RAPGEF6: variants seen among roughly 807,000 people sequenced by gnomAD.
RAPGEF6 encodes the protein Rap guanine nucleotide exchange factor 6.
In RAPGEF6, 56 loss-of-function variants were observed where a neutral mutation model predicts 171.4. The ratio of observed to expected loss-of-function variants is 0.33; its 90% CI spans 0.26 to 0.41. The LOEUF (loss-of-function observed/expected upper bound fraction) is 0.41. Ranked by LOEUF, RAPGEF6 falls within the 10% of genes least tolerant of loss-of-function variation. RAPGEF6 has a pLI of 1.00. For missense variants in RAPGEF6, 1,674 were observed against 1,921.4 expected (o/e 0.87, Z 2.41); for synonymous variants, 692 against 650.1 (o/e 1.06, Z -0.98).
At chr5:131,443,279 C>T (rs919016366) in intron 22 of RAPGEF6, among the ~76,000 whole-genome samples, 9 of 151,396 alleles carry the variant, frequency 5.9e-5, no homozygotes, top group South Asian at 2.1e-4. Context: ...AGTTTCACCA[C>T]GTTGCCCAGG....
At chr5:131,618,609 G>T (rs938145596) in intron 1 of RAPGEF6, among the ~76,000 whole-genome samples, 14 of 152,168 alleles carry the variant, frequency 9.2e-5, no homozygotes, top group Non-Finnish European at 1.5e-4. Flanking sequence ...CTGCACTGCA[G>T]CCTGAGTGAC....
intron 4 of RAPGEF6, among the ~76,000 whole-genome samples, chr5:131,565,492 A>C (rs1344674373): frequency 6.6e-6 from 1 of 152,222 alleles, no homozygotes; most frequent in African/African-American, 2.4e-5. Flanking sequence ...GAGGACTGAC[A>C]TAATGACCCT....
intron 19 of RAPGEF6, among the ~76,000 whole-genome samples, chr5:131,456,369 AT>A (rs1462620968): frequency 6.6e-6 from 1 of 152,186 alleles, no homozygotes; most frequent in Non-Finnish European, 1.5e-5. Flanking sequence ...GACATTACCT[AT>A]TTTAAAGCGG....
At chr5:131,631,638 A>T (rs1561623829) in intron 1 of RAPGEF6, among the ~76,000 whole-genome samples, 1 of 152,162 alleles carries the variant, frequency 6.6e-6, no homozygotes, top group Admixed American at 6.5e-5. Context: ...TTCTCAACAC[A>T]GCAGCCAGGA....
intron 6 of RAPGEF6, among the ~76,000 whole-genome samples, chr5:131,534,973 C>T (rs1348402894): frequency 2.0e-5 from 3 of 152,084 alleles, no homozygotes; most frequent in Non-Finnish European, 2.9e-5. Context: ...AGAAGGACCT[C>T]AAGCTGGGCA....
At chr5:131,571,766 A>T (rs1194902073) in intron 4 of RAPGEF6, among the ~76,000 whole-genome samples, 4 of 152,178 alleles carry the variant, frequency 2.6e-5, no homozygotes, top group Non-Finnish European at 2.9e-5. Flanking sequence ...CAAATAACCA[A>T]AACAATTTTT....
chr5:131,484,789 C>G (rs1430297756), intron 15 of RAPGEF6, among the ~76,000 whole-genome samples: 4 of 152,046 alleles, frequency 2.6e-5, no homozygotes, highest in Non-Finnish European at 5.9e-5. Flanking sequence ...ACAAGTAGGT[C>G]TGTATGAACT....
chr5:131,510,596 G>C, intron 7 of RAPGEF6, 105 bp from the exon 8 acceptor site: 1 of 988,566 alleles, frequency 1.0e-6, no homozygotes, highest in Non-Finnish European at 1.5e-6. Context: ...TAAAAGACTT[G>C]GGCAACGCTG....
Position 131,562,029 on chromosome 5 carries a change from T to C in RAPGEF6, c.300A>G (p.Gly100=). Reference sequence around the variant, plus strand: ...CAAGACAATCACATCCTCTTTTTCCTCCAAACTGCTTACCAAAACTATAAA... The same window carrying C: ...CAAGACAATCACATCCTCTTTTTCCCCCAAACTGCTTACCAAAACTATAAA... The part of the protein sequence containing the change: ...LPPCSFGKQF[G]GKRGCDCLVL... The change falls in exon 5 of 28, where the codon GGA becomes GGG. Residue 100 remains glycine, a synonymous_variant. Coordinates refer to ENST00000509018, the MANE Select transcript of RAPGEF6 (RefSeq NM_016340.6). The C allele has an allele frequency of 6.3e-7, 1 of 1,587,392 alleles. No individual in the cohort carries two copies. Among genetic ancestry groups the C allele is most frequent in the Non-Finnish European group, 8.6e-7 (1 of 1,168,156 alleles).
intron 4 of RAPGEF6, among the ~76,000 whole-genome samples, chr5:131,567,780 T>C (rs573300920): frequency 4.6e-4 from 70 of 152,354 alleles, no homozygotes; most frequent in Middle Eastern, 3.4e-3. Context: ...AGTGGTTCTA[T>C]TATTGAAAGA....
intron 21 of RAPGEF6, among the ~76,000 whole-genome samples, chr5:131,450,876 T>A (rs1009299173): frequency 9.9e-5 from 15 of 152,220 alleles, no homozygotes; most frequent in African/African-American, 3.6e-4. Context: ...AAAACAGCCA[T>A]GTTTATTAAT....
At chr5:131,547,416 A>AT (rs1161586132) in intron 6 of RAPGEF6, among the ~76,000 whole-genome samples, 1 of 151,516 alleles carries the variant, frequency 6.6e-6, no homozygotes, top group African/African-American at 2.4e-5. Context: ...AATACACCTG[A>AT]TTTTTTTAGA....
At chr5:131,547,360 C>A (rs978192918) in intron 6 of RAPGEF6, among the ~76,000 whole-genome samples, 1 of 152,026 alleles carries the variant, frequency 6.6e-6, no homozygotes, top group African/African-American at 2.4e-5. Flanking sequence ...TTCTAGAAAT[C>A]GTGAGTACTT....
intron 25 of RAPGEF6, 107 bp downstream of exon 25, chr5:131,433,322 TA>T: frequency 1.2e-6 from 1 of 846,468 alleles, no homozygotes; most frequent in Non-Finnish European, 1.9e-6. Context: ...CTTTTATGGA[TA>T]ACTCTGCAAT....
intron 6 of RAPGEF6, among the ~76,000 whole-genome samples, chr5:131,542,737 G>C (rs1341339571): frequency 1.3e-5 from 2 of 152,176 alleles, no homozygotes; most frequent in Non-Finnish European, 2.9e-5. Context: ...AGTAGGTCTT[G>C]AGACTTTTGT....
At position 131,428,939 on chromosome 5, in the gene RAPGEF6, T is replaced by C; in HGVS notation, c.4743A>G (p.Lys1581=). ...QRHNLQPFHP[K]LGDVTDADSE... is the part of the protein sequence containing the mutation. ...TATCTGCATCAGTCACATCTCCTAGTTTAGGATGGAATGGCTGCAAATTAT... is the reference window on the plus strand; with the variant it reads ...TATCTGCATCAGTCACATCTCCTAGCTTAGGATGGAATGGCTGCAAATTAT... Residue 1581 remains lysine (K), a synonymous_variant, in exon 27 of 28, where the codon AAA becomes AAG. Transcript: ENST00000509018. 1 of 1,614,152 alleles carries C rather than the reference T, an allele frequency of 6.2e-7. No individual in the cohort carries two copies. Among genetic ancestry groups the C allele is most frequent in the Non-Finnish European group, 8.5e-7 (1 of 1,180,000 alleles).
At position 131,446,860 on chromosome 5, in the gene RAPGEF6, T is replaced by C. The variant is rs569508816; in HGVS notation, c.3201-157A>G. 14 of 684,122 alleles carry C rather than the reference T, an allele frequency of 2.0e-5. No individual in the cohort carries two copies. The South Asian group carries it at 2.3e-4, about 11-fold the overall frequency. 42.4% of individuals were successfully genotyped at this position (684,122 alleles called of 1,614,324 possible). On this transcript the variant is annotated intron_variant, in intron 21 of 27. Transcript: ENST00000509018. Reference sequence around the variant, plus strand: ...TTAATGCAAAGTAATTTGGCACATATGGTGACGTTCTGAATTAAGAACAGG... The same window carrying C: ...TTAATGCAAAGTAATTTGGCACATACGGTGACGTTCTGAATTAAGAACAGG...
chr5:131,501,772 G>C (rs1757042054), intron 11 of RAPGEF6, among the ~76,000 whole-genome samples: 1 of 152,026 alleles, frequency 6.6e-6, no homozygotes, highest in Non-Finnish European at 1.5e-5. Context: ...ATATAGAAGG[G>C]AATAGACTAG....
intron 19 of RAPGEF6, among the ~76,000 whole-genome samples, chr5:131,460,829 G>A (rs1407582871): frequency 6.6e-6 from 1 of 152,138 alleles, no homozygotes; most frequent in Non-Finnish European, 1.5e-5. Context: ...TCCCTATAAA[G>A]ATTCTACTTT....
Sources: allele counts gnomAD v4.1 joint callset (sites outside exome capture counted in the v4.1 genomes callset), GRCh38; gene constraint gnomAD v4.1.1; transcripts MANE v1.5; gene names NCBI Gene and HGNC (gene_info 2026-07-23, HGNC 2026-07-21).